The following SLC1A4 variants were observed in gnomAD, a reference collection of about 807,000 sequenced individuals.
SLC1A4 encodes the protein solute carrier family 1 member 4.
Under a neutral mutation model 37.7 loss-of-function variants are expected in SLC1A4, and 19 were observed. The ratio of observed to expected loss-of-function variants is 0.50; its 90% CI spans 0.35 to 0.74. SLC1A4 has a LOEUF of 0.74. Ranked by LOEUF, SLC1A4 falls within the 30% of genes least tolerant of loss-of-function variation. The probability of loss-of-function intolerance (pLI) is 0.01; values close to 1 mark genes in which losing one functional copy is unlikely to be tolerated. For synonymous variants in SLC1A4, 299 were observed against 309.8 expected (o/e 0.97, Z 0.37); for missense variants, 570 against 712.9 (o/e 0.80, Z 2.28).
At chr2:65,006,958 C>T (rs1673700941) in intron 3 of SLC1A4, among the ~76,000 whole-genome samples, 1 of 152,198 alleles carries the variant, frequency 6.6e-6, no homozygotes, top group East Asian at 1.9e-4. Flanking sequence ...GGCTCAAGGA[C>T]ACTTGGAAGG....
rs546363880 is a variant in SLC1A4, at chr2:65,015,337, A to C, written c.801-1103A>C. Among the ~76,000 whole-genome samples the C allele has an allele frequency of 2.0e-5, 3 of 152,376 alleles. No homozygotes were observed. The East Asian group carries it at 5.8e-4, about 29-fold the overall frequency. ...AGATGGTAAATTTTATGTATATTTT[A>C]CCACATTAAAAAATGAATGGGGTAG... On this transcript the variant is annotated intron_variant, in intron 4 of 7. Coordinates refer to ENST00000234256, the MANE Select transcript of SLC1A4 (RefSeq NM_003038.5).
chr2:65,015,133 G>C (rs1351569577), intron 4 of SLC1A4, among the ~76,000 whole-genome samples: 1 of 152,204 alleles, frequency 6.6e-6, no homozygotes, highest in African/African-American at 2.4e-5. Context: ...GTCAAATTCA[G>C]AGAGACAAGA....
At chr2:65,011,837 C>T (rs1279848788) in intron 4 of SLC1A4, among the ~76,000 whole-genome samples, 3 of 151,954 alleles carry the variant, frequency 2.0e-5, no homozygotes, top group Non-Finnish European at 4.4e-5. Flanking sequence ...GATGTGATCT[C>T]GGTTCACTAC....
intron 1 of SLC1A4, among the ~76,000 whole-genome samples, chr2:64,992,588 G>C (rs1402129858): frequency 6.6e-6 from 1 of 152,162 alleles, no homozygotes; most frequent in Non-Finnish European, 1.5e-5. Context: ...AACTGAGACA[G>C]AGATTAAGCG....
Position 64,994,712 on chromosome 2 carries a change from A to AG in SLC1A4, c.527+4542_527+4543insG, listed in dbSNP as rs5831732. On this transcript the variant is annotated intron_variant, in intron 1 of 7. Coordinates refer to ENST00000234256, the MANE Select transcript of SLC1A4 (RefSeq NM_003038.5). ...CTTGAATAGGTGCAAAAAAAAAAAA[A>AG]CTATCAGAGACTGAGATTTAATATT... The AG allele has an allele frequency of 3.3e-5, 5 of 151,926 alleles. No homozygotes were observed. The East Asian group carries it at 9.6e-4, about 29-fold the overall frequency. 9.4% of individuals were successfully genotyped at this position (151,926 alleles called of 1,614,324 possible). A position where few individuals can be genotyped will look rare whatever the true frequency, so the allele number is the denominator to read the frequency against.
rs1028876195 is a variant in SLC1A4, at chr2:65,018,357, C to A, written c.1229+92C>A. On this transcript the variant is annotated intron_variant, in intron 6 of 7. Transcript: ENST00000234256. This position sits in a 1 kb window ranked among gnomAD's most constrained non-coding sequence, Gnocchi z 4.3. Reference sequence around the variant, plus strand: ...AATCTCACCACAACTTGGTGTCTCGCTCATAAAATGAGGACAGTGGGGATT... The same window carrying A: ...AATCTCACCACAACTTGGTGTCTCGATCATAAAATGAGGACAGTGGGGATT... The A allele has an allele frequency of 4.2e-6, 6 of 1,439,194 alleles. No individual in the cohort carries two copies. The African/African-American group carries it at 8.5e-5, about 20-fold the overall frequency. 89.2% of individuals were successfully genotyped at this position (1,439,194 alleles called of 1,614,324 possible).
At chr2:64,993,769 T>A (rs1202359115) in intron 1 of SLC1A4, among the ~76,000 whole-genome samples, 1 of 152,220 alleles carries the variant, frequency 6.6e-6, no homozygotes, top group African/African-American at 2.4e-5. Flanking sequence ...GGTTTCCTCA[T>A]CTTTATTATG....
rs1046061042 is a variant in SLC1A4, at chr2:65,016,644, A to C, written c.1005A>C (p.Pro335=). The C allele has an allele frequency of 6.2e-7, 1 of 1,614,096 alleles. No individual in the cohort carries two copies. Among genetic ancestry groups the C allele is most frequent in the African/African-American group, 1.3e-5 (1 of 75,032 alleles). Residue 335 remains proline, a synonymous_variant, in exon 5 of 8, where the codon CCA becomes CCC. Transcript: ENST00000234256. ...PFRFLLGLLA[P]FATAFATCSS... is the part of the protein sequence containing the mutation. Reference sequence around the variant, plus strand: ...GATTCCTCCTGGGCCTCCTCGCCCCATTTGCGACAGCATTTGCTACCTGCT... The same window carrying C: ...GATTCCTCCTGGGCCTCCTCGCCCCCTTTGCGACAGCATTTGCTACCTGCT...
intron 4 of SLC1A4, chr2:65,011,626 ATTG>A (rs1673923116): frequency 6.6e-6 from 1 of 152,038 alleles, no homozygotes; most frequent in African/African-American, 2.4e-5. Context: ...TGAAAGCATG[ATTG>A]TTAAGTAACA....
At position 65,010,760 on chromosome 2, in the gene SLC1A4, T is replaced by C. The variant is rs750202038; in HGVS notation, c.797T>C (p.Met266Thr). ...ACGATGGTGCTGGTGTCCTGGATTA[T>C]GTGGTGAGTGCTGCTTTGCTGCCTA... ...EATMVLVSWI[M>T]WYVPVGIMFL... Residue 266 changes from methionine to threonine, a missense_variant, in exon 4 of 8, where the codon ATG becomes ACG. Transcript: ENST00000234256. The C allele has an allele frequency of 1.2e-5, 19 of 1,611,600 alleles. No individual in the cohort carries two copies. The Admixed American group carries it at 1.5e-4, about 13-fold the overall frequency.
intron 3 of SLC1A4, among the ~76,000 whole-genome samples, chr2:65,008,821 A>G (rs1455693266): frequency 6.6e-6 from 1 of 152,188 alleles, no homozygotes; most frequent in East Asian, 1.9e-4. Context: ...TACATATATT[A>G]ACATATTTAA....
chr2:65,020,207 T>C (rs1674357379), intron 7 of SLC1A4, among the ~76,000 whole-genome samples: 2 of 152,260 alleles, frequency 1.3e-5, no homozygotes, highest in South Asian at 4.1e-4. Context: ...CAGTGTATTA[T>C]TCAGTGGAAG....
chr2:65,021,007 A>G lies in SLC1A4; in HGVS notation c.1460A>G (p.Gln487Arg). 1 of 1,614,268 alleles carries G rather than the reference A, an allele frequency of 6.2e-7. No individual in the cohort carries two copies. Among genetic ancestry groups the G allele is most frequent in the South Asian group, 1.1e-5 (1 of 91,086 alleles). ...LNQKATKKGE[Q>R]ELAEVKVEAI... is the part of the protein sequence containing the mutation. ...CAGAAGGCAACAAAGAAAGGCGAGCAGGAACTTGCTGAGGTGAAAGTGGAA... is the reference window on the plus strand; with the variant it reads ...CAGAAGGCAACAAAGAAAGGCGAGCGGGAACTTGCTGAGGTGAAAGTGGAA... The change falls in exon 8 of 8, where the codon CAG (glutamine) becomes CGG (arginine). Residue 487 changes from glutamine (Q) to arginine (R), a missense_variant. Gln to Arg is a conservative substitution (Grantham distance 43). Transcript: ENST00000234256.
At chr2:64,996,986 G>A (rs187975660) in intron 1 of SLC1A4, among the ~76,000 whole-genome samples, 6 of 152,266 alleles carry the variant, frequency 3.9e-5, no homozygotes, top group South Asian at 4.1e-4. Flanking sequence ...AGAGTTTACC[G>A]CAGCATCTGT....
intron 1 of SLC1A4, among the ~76,000 whole-genome samples, chr2:64,997,150 T>C (rs1169735330): frequency 1.3e-5 from 2 of 152,086 alleles, no homozygotes. Flanking sequence ...AGGAGGATGC[T>C]TTCTATGGTG....
chr2:64,988,811 G>A (rs1403998332), upstream of SLC1A4, among the ~76,000 whole-genome samples: 1 of 152,172 alleles, frequency 6.6e-6, no homozygotes, highest in Non-Finnish European at 1.5e-5. Flanking sequence ...ACCGCCCCGG[G>A]CCCCCTCACC....
rs1016107281 is a variant in SLC1A4 at position 64,989,799 on chromosome 2, G to A, written c.156G>A (p.Val52=). ...TGGTGCTGCTCACCGTGTCCGGGGT[G>A]CTGGCGGGCGCGGGCCTGGGCGCGG... is the stretch of plus-strand genomic sequence containing the variant. The part of the protein sequence containing the change: ...QALVLLTVSG[V]LAGAGLGAAL... The change falls in exon 1 of 8, where the codon GTG becomes GTA. Residue 52 remains valine, a synonymous_variant. Coordinates refer to ENST00000234256, the MANE Select transcript of SLC1A4 (RefSeq NM_003038.5). The A allele has an allele frequency of 1.6e-5, 24 of 1,522,136 alleles. No individual in the cohort carries two copies. The African/African-American group carries it at 3.2e-4, about 20-fold the overall frequency. 94.3% of individuals were successfully genotyped at this position (1,522,136 alleles called of 1,614,324 possible). A position where few individuals can be genotyped will look rare whatever the true frequency, so the allele number is the denominator to read the frequency against.
chr2:65,015,679 G>C (rs1674097445), intron 4 of SLC1A4, among the ~76,000 whole-genome samples: 1 of 152,216 alleles, frequency 6.6e-6, no homozygotes, highest in East Asian at 1.9e-4. Context: ...GGGTGCTTGG[G>C]AGAGAGATGA....
At position 65,018,441 on chromosome 2, in the gene SLC1A4, G is replaced by A. The variant is rs1674257504; in HGVS notation, c.1230-104G>A. 1 of 1,506,102 alleles carries A rather than the reference G, an allele frequency of 6.6e-7. No individual in the cohort carries two copies. The highest frequency in any genetic ancestry group is 9.0e-7 in the Non-Finnish European group (1 of 1,112,176). 93.3% of individuals were successfully genotyped at this position (1,506,102 alleles called of 1,614,324 possible). On this transcript the variant is annotated intron_variant, in intron 6 of 7. Coordinates refer to ENST00000234256, the MANE Select transcript of SLC1A4 (RefSeq NM_003038.5). This position sits in a 1 kb window ranked among gnomAD's most constrained non-coding sequence, Gnocchi z 4.3. The stretch of plus-strand genomic sequence containing the variant: ...GCGTAGCCAGCAGAGCCTATGGTGG[G>A]GCGGTTTTTAGTTTCCAGCCACATT...
Sources: allele counts gnomAD v4.1 joint callset (sites outside exome capture counted in the v4.1 genomes callset), GRCh38; gene constraint gnomAD v4.1.1; non-coding constraint Gnocchi (gnomAD v3.1); transcripts MANE v1.5; gene names NCBI Gene and HGNC (gene_info 2026-07-23, HGNC 2026-07-21).